RAI14: variants seen among roughly 807,000 people sequenced by gnomAD.
RAI14 encodes ankycorbin.
In RAI14, 45 loss-of-function variants were observed where a neutral mutation model predicts 115.4. That is an observed-to-expected ratio of 0.39 (90% CI 0.31 to 0.50). The LOEUF (loss-of-function observed/expected upper bound fraction) is 0.50. RAI14 is among the 20% of genes least tolerant of loss of function. RAI14 has a pLI of 0.85. For synonymous variants in RAI14, 371 were observed against 415.4 expected (o/e 0.89, Z 1.30); for missense variants, 939 against 1,131.2 (o/e 0.83, Z 2.44).
chr5:34,773,708 T>C lies in RAI14; in HGVS notation c.167+16110T>C, dbSNP rs1580208775. Among the ~76,000 whole-genome samples, 3 of 152,302 alleles carry C rather than the reference T, an allele frequency of 2.0e-5. 1 individual carries two copies. The East Asian group carries it at 5.8e-4, about 29-fold the overall frequency. On this transcript the variant is annotated intron_variant, in intron 3 of 17. Transcript: ENST00000265109. ...TGCAAATCAAAACCACAATGAGATGTTATCCTACCCCAGTTAGAATGACTA... is the reference window on the plus strand; with the variant it reads ...TGCAAATCAAAACCACAATGAGATGCTATCCTACCCCAGTTAGAATGACTA...
chr5:34,800,945 T>C (rs568200365), intron 4 of RAI14, among the ~76,000 whole-genome samples: 2 of 152,330 alleles, frequency 1.3e-5, no homozygotes, highest in Admixed American at 1.3e-4. Context: ...TTGTAAGGCA[T>C]TTGTTTAAAA....
intron 6 of RAI14, 22 bp downstream of exon 6, chr5:34,807,879 GTCT>G (rs1490256259): frequency 1.3e-6 from 2 of 1,588,982 alleles, no homozygotes; most frequent in Non-Finnish European, 1.7e-6. Context: ...TCTCCTATTT[GTCT>G]TCTTCTGCCA....
At chr5:34,792,470 G>A (rs545327894) in intron 3 of RAI14, among the ~76,000 whole-genome samples, 249 of 152,082 alleles carry the variant, frequency 1.6e-3, no homozygotes, top group African/African-American at 5.8e-3. Flanking sequence ...TCCTGACCTC[G>A]TGATCCGCCC....
chr5:34,753,791 G>A (rs2150081361), intron 2 of RAI14, among the ~76,000 whole-genome samples: 2 of 152,142 alleles, frequency 1.3e-5, no homozygotes, highest in Admixed American at 1.3e-4. Flanking sequence ...GCATGTGCCT[G>A]TAGTCCCAGC....
At chr5:34,685,169 C>CTG (rs1561235642) in intron 1 of RAI14, 3 of 151,856 alleles carry the variant, frequency 2.0e-5, no homozygotes, top group Non-Finnish European at 4.4e-5. Context: ...ATAGCTTGAG[C>CTG]CCAGGAATTC....
chr5:34,812,195 C>A lies in RAI14; in HGVS notation c.752C>A (p.Thr251Lys). 6.3e-7 allele frequency: 1 copy of A among 1,582,748 alleles called. No individual in the cohort carries two copies. Among genetic ancestry groups the A allele is most frequent in the Non-Finnish European group, 8.6e-7 (1 of 1,156,508 alleles). The change falls in exon 10 of 18, where the codon ACA (threonine) becomes AAA (lysine). Residue 251 changes from threonine to lysine, a missense_variant. Physicochemically the swap from Thr to Lys is moderately conservative, Grantham distance 78 (BLOSUM62 -1). Transcript: ENST00000265109. ...TCCTCTATAGATTTAAAGACCCCAA[C>A]AAAACCAAAGCAGGTATTTATCTTT... Reference protein sequence around the residue: ...ISQDADLKTPTKPKQHDQVSK... With the variant: ...ISQDADLKTPKKPKQHDQVSK...
intron 2 of RAI14, among the ~76,000 whole-genome samples, chr5:34,708,400 C>G (rs1026420452): frequency 1.3e-5 from 2 of 152,098 alleles, no homozygotes; most frequent in African/African-American, 4.8e-5. Flanking sequence ...CAGGGTTTCT[C>G]CACGTTGGTC....
At chr5:34,715,729 T>C (rs1294797771) in intron 2 of RAI14, among the ~76,000 whole-genome samples, 1 of 152,246 alleles carries the variant, frequency 6.6e-6, no homozygotes, top group Non-Finnish European at 1.5e-5. Context: ...ATGTATTTGT[T>C]TGTGAACTGT....
intron 2 of RAI14, chr5:34,716,104 A>G (rs1200423357): frequency 4.6e-6 from 2 of 438,348 alleles, no homozygotes; most frequent in Non-Finnish European, 9.0e-6. Flanking sequence ...CTGATAACAT[A>G]CATCTGCAGT....
chr5:34,822,912 C>T, intron 14 of RAI14, 44 bp from the exon 15 acceptor site: 1 of 1,496,132 alleles, frequency 6.7e-7, no homozygotes, highest in Non-Finnish European at 9.2e-7. Context: ...TGGTCTCAAT[C>T]TCCTGACCTT....
chr5:34,733,997 C>A (rs1744530002), intron 2 of RAI14, among the ~76,000 whole-genome samples: 2 of 152,324 alleles, frequency 1.3e-5, no homozygotes, highest in Non-Finnish European at 2.9e-5. Flanking sequence ...TCACTCATCC[C>A]TGCCGCTCCC....
chr5:34,712,896 G>T (rs1475299875), intron 2 of RAI14, among the ~76,000 whole-genome samples: 1 of 152,092 alleles, frequency 6.6e-6, no homozygotes, highest in Non-Finnish European at 1.5e-5. Context: ...AAAAATATGG[G>T]TGTCTTGAAG....
At chr5:34,821,581 GA>G (rs1253819968) in intron 13 of RAI14, 150 bp from the exon 14 acceptor site, 2 of 560,286 alleles carry the variant, frequency 3.6e-6, no homozygotes, top group African/African-American at 1.9e-5. Context: ...TATATAAAAT[GA>G]AAATTTTAGT....
chr5:34,807,769 T>G, intron 5 of RAI14, 31 bp from the exon 6 acceptor site: 1 of 1,535,116 alleles, frequency 6.5e-7, no homozygotes. Context: ...GGGTATTTTA[T>G]TATATGGATG....
chr5:34,777,499 G>A (rs898450645), intron 3 of RAI14, among the ~76,000 whole-genome samples: 1 of 152,146 alleles, frequency 6.6e-6, no homozygotes, highest in Non-Finnish European at 1.5e-5. Flanking sequence ...CCTGATCTCA[G>A]CTGAGCGTGG....
chr5:34,829,371 A>G (rs553274425), intron 16 of RAI14, among the ~76,000 whole-genome samples: 1 of 152,284 alleles, frequency 6.6e-6, no homozygotes, highest in Non-Finnish European at 1.5e-5. Flanking sequence ...TATTTTTAGT[A>G]GAGACGGGGT....
intron 3 of RAI14, among the ~76,000 whole-genome samples, chr5:34,795,292 G>A (rs886578261): frequency 3.3e-5 from 5 of 152,200 alleles, no homozygotes; most frequent in African/African-American, 1.2e-4. Context: ...TTGCACCAGA[G>A]TATAGACACT....
At chr5:34,726,411 G>A (rs984438566) in intron 2 of RAI14, among the ~76,000 whole-genome samples, 1 of 152,136 alleles carries the variant, frequency 6.6e-6, no homozygotes, top group African/African-American at 2.4e-5. Flanking sequence ...AGTGAAGGGA[G>A]AGGTGCTACA....
intron 4 of RAI14, among the ~76,000 whole-genome samples, chr5:34,799,483 C>G (rs1477938407): frequency 5.2e-5 from 7 of 135,460 alleles, no homozygotes; most frequent in Admixed American, 4.6e-4. Context: ...AAAAACAAAA[C>G]ACACACACAG....
Sources: allele counts gnomAD v4.1 joint callset (sites outside exome capture counted in the v4.1 genomes callset), GRCh38; gene constraint gnomAD v4.1.1; transcripts MANE v1.5; gene names NCBI Gene and HGNC (gene_info 2026-07-23, HGNC 2026-07-21).